The following ATG5 variants were observed in gnomAD, a reference collection of about 807,000 sequenced individuals.
ATG5 encodes autophagy related 5, also known as autophagy protein 5.
Under a neutral mutation model 36.5 loss-of-function variants are expected in ATG5, and 14 were observed. The ratio of observed to expected loss-of-function variants is 0.38; its 90% CI spans 0.25 to 0.60. The LOEUF (loss-of-function observed/expected upper bound fraction) is 0.60, where lower values mean the gene tolerates loss of function less well. Ranked by LOEUF, ATG5 falls within the 20% of genes least tolerant of loss-of-function variation. The pLI is 0.60. For synonymous variants in ATG5, 95 were observed against 101.5 expected (o/e 0.94, Z 0.38); for missense variants, 195 against 326.7 (o/e 0.60, Z 3.11).
At chr6:106,197,458 C>T (rs994387239) in intron 7 of ATG5, among the ~76,000 whole-genome samples, 1 of 147,168 alleles carries the variant, frequency 6.8e-6, no homozygotes, top group African/African-American at 2.5e-5. Flanking sequence ...CTTGTCCCCG[C>T]CAAACCTCGT....
chr6:106,188,119 A>G (rs1562199630), intron 7 of ATG5, among the ~76,000 whole-genome samples: 1 of 152,182 alleles, frequency 6.6e-6, no homozygotes, highest in East Asian at 1.9e-4. Context: ...ATGAAATATT[A>G]AGCTATATAC....
intron 5 of ATG5, among the ~76,000 whole-genome samples, chr6:106,258,500 G>A (rs1778888954): frequency 6.6e-6 from 1 of 152,110 alleles, no homozygotes; most frequent in Non-Finnish European, 1.5e-5. Context: ...TTATACACTT[G>A]TAAAGAATTT....
chr6:106,292,495 A>G (rs1780348739), intron 4 of ATG5, among the ~76,000 whole-genome samples: 1 of 152,198 alleles, frequency 6.6e-6, no homozygotes. Context: ...TTGGAATTCT[A>G]TCTCCTAACC....
intron 2 of ATG5, among the ~76,000 whole-genome samples, chr6:106,312,247 G>A (rs1214866318): frequency 6.6e-6 from 1 of 152,186 alleles, no homozygotes; most frequent in Admixed American, 6.5e-5. Context: ...TCTGGGATAA[G>A]AGAGAAGGAA....
Position 106,186,586 on chromosome 6 carries a change from G to T in ATG5, c.782C>A (p.Pro261Gln). 1 of 1,613,606 alleles carries T rather than the reference G, an allele frequency of 6.2e-7. No individual in the cohort carries two copies. The highest frequency in any genetic ancestry group is 8.5e-7 in the Non-Finnish European group (1 of 1,179,644). The change falls in exon 8 of 8, where the codon CCG becomes CAG. Residue 261 changes from proline (P) to glutamine (Q), a missense_variant. Transcript: ENST00000369076. ...LQWLSEHLSY[P>Q]DNFLHISIIP... The stretch of plus-strand genomic sequence containing the variant: ...GATACTAATATGAAGAAAATTATCC[G>T]GGTAGCTCAGATGTTCACTCAGCCA...
At chr6:106,234,750 A>G (rs1777826579) in intron 6 of ATG5, among the ~76,000 whole-genome samples, 1 of 152,200 alleles carries the variant, frequency 6.6e-6, no homozygotes, top group Non-Finnish European at 1.5e-5. Context: ...TCGGAGCAGG[A>G]GTGCTAGGTG....
chr6:106,205,089 G>T (rs1177330323), intron 6 of ATG5, among the ~76,000 whole-genome samples: 2 of 152,206 alleles, frequency 1.3e-5, no homozygotes, highest in Non-Finnish European at 2.9e-5. Flanking sequence ...AGCAAAGGAA[G>T]TAATGTTGGT....
intron 6 of ATG5, among the ~76,000 whole-genome samples, chr6:106,215,845 G>A (rs1195651641): frequency 6.6e-6 from 1 of 152,056 alleles, no homozygotes; most frequent in Non-Finnish European, 1.5e-5. Flanking sequence ...CAAAATATTT[G>A]CAAACCATAT....
chr6:106,195,414 A>G (rs1226993084), intron 7 of ATG5, among the ~76,000 whole-genome samples: 1 of 152,224 alleles, frequency 6.6e-6, no homozygotes, highest in Non-Finnish European at 1.5e-5. Flanking sequence ...ACAATACTAC[A>G]GGTGAACTGA....
chr6:106,303,498 C>G (rs935704766), intron 3 of ATG5, among the ~76,000 whole-genome samples: 1 of 152,076 alleles, frequency 6.6e-6, no homozygotes, highest in African/African-American at 2.4e-5. Context: ...AAAGAATTGA[C>G]AGCATTTTTA....
chr6:106,264,251 G>A (rs1216778370), intron 5 of ATG5, among the ~76,000 whole-genome samples: 4 of 152,014 alleles, frequency 2.6e-5, no homozygotes, highest in African/African-American at 9.7e-5. Flanking sequence ...ATCAGAGATT[G>A]AAGATCAACT....
intron 1 of ATG5, among the ~76,000 whole-genome samples, chr6:106,323,710 T>C (rs1218459870): frequency 6.6e-6 from 1 of 152,174 alleles, no homozygotes; most frequent in East Asian, 1.9e-4. Context: ...GTCAATGGCC[T>C]ACTAACAACT....
intron 3 of ATG5, among the ~76,000 whole-genome samples, chr6:106,304,712 G>A (rs1375470786): frequency 6.6e-6 from 1 of 152,144 alleles, no homozygotes; most frequent in Non-Finnish European, 1.5e-5. Flanking sequence ...GGAATTTTGT[G>A]AAATTAAATA....
intron 5 of ATG5, among the ~76,000 whole-genome samples, chr6:106,259,546 T>C (rs777702907): frequency 1.3e-5 from 2 of 152,220 alleles, no homozygotes; most frequent in Non-Finnish European, 2.9e-5. Flanking sequence ...GCATTTCCCC[T>C]TTCAACAAGT....
chr6:106,192,844 A>G (rs1424169952), intron 7 of ATG5, among the ~76,000 whole-genome samples: 4 of 152,218 alleles, frequency 2.6e-5, no homozygotes, highest in Non-Finnish European at 5.9e-5. Flanking sequence ...TCTGTCTGAC[A>G]AATTCTTTAA....
At chr6:106,280,481 C>A (rs1332219492) in intron 4 of ATG5, among the ~76,000 whole-genome samples, 1 of 151,880 alleles carries the variant, frequency 6.6e-6, no homozygotes, top group African/African-American at 2.4e-5. Flanking sequence ...GTCAATTAGA[C>A]CTCAATAAAG....
At chr6:106,315,231 T>C (rs1203408050) in intron 2 of ATG5, among the ~76,000 whole-genome samples, 1 of 152,210 alleles carries the variant, frequency 6.6e-6, no homozygotes, top group Non-Finnish European at 1.5e-5. Context: ...CAGACTTCAT[T>C]AAAGTGAAAC....
chr6:106,240,378 AATT>A (rs1778072696), intron 6 of ATG5, among the ~76,000 whole-genome samples: 1 of 148,072 alleles, frequency 6.8e-6, no homozygotes, highest in Admixed American at 6.8e-5. Flanking sequence ...ATATCTATAA[AATT>A]ATTTTATAAA....
intron 6 of ATG5, among the ~76,000 whole-genome samples, chr6:106,208,265 CATATGTATATGTATAA>C (rs1027631240): frequency 2.0e-5 from 3 of 152,124 alleles, no homozygotes; most frequent in African/African-American, 7.2e-5. Context: ...TGTGTAAACA[CATATGTATATGTATAA>C]ATGGAGATAA....
Sources: gnomAD v4.1 joint callset for allele counts (sites outside exome capture counted in the v4.1 genomes callset) on GRCh38, gnomAD v4.1.1 for gene constraint, MANE v1.5 for transcripts, NCBI Gene and HGNC (gene_info 2026-07-23, HGNC 2026-07-21) for gene names.